The following KHDRBS3 variants were observed in gnomAD, a reference collection of about 807,000 sequenced individuals.
KHDRBS3 encodes KH RNA binding domain containing, signal transduction associated 3, also known as KH domain-containing, RNA-binding, signal transduction-associated protein 3.
Under a neutral mutation model 45.6 loss-of-function variants are expected in KHDRBS3, and 23 were observed. The observed-to-expected ratio is 0.50, with a 90% CI of 0.36 to 0.72. The LOEUF (loss-of-function observed/expected upper bound fraction) is 0.72. KHDRBS3 is among the 30% of genes least tolerant of loss of function. KHDRBS3 has a pLI of 0.00. For missense variants in KHDRBS3, 352 were observed against 424.8 expected (o/e 0.83, Z 1.51); for synonymous variants, 162 against 156.5 (o/e 1.04, Z -0.26).
intron 2 of KHDRBS3, among the ~76,000 whole-genome samples, chr8:135,534,217 G>GTTT (rs34069337): frequency 1.3e-5 from 2 of 149,836 alleles, no homozygotes; most frequent in African/African-American, 4.9e-5. Context: ...CTTCTCAGGT[G>GTTT]TTTTTTTTTT....
rs115908418 is a variant in KHDRBS3 at position 135,641,381 on chromosome 8, T to C, written c.891-3678T>C. Among the ~76,000 whole-genome samples the C allele has an allele frequency of 9.3e-3, 1,415 of 152,314 alleles. 18 individuals carry two copies. The highest frequency in any genetic ancestry group is 0.033 in the African/African-American group (1,363 of 41,564). ...ACTGTCTCAGTCAAGGAAATCCCTT[T>C]CAGTTTTATGGTGAGGTTACTCATT... is the stretch of plus-strand genomic sequence containing the variant. On this transcript the variant is annotated intron_variant, in intron 7 of 8. Transcript: ENST00000355849.
intron 1 of KHDRBS3, among the ~76,000 whole-genome samples, chr8:135,470,362 C>T (rs1821953461): frequency 6.6e-6 from 1 of 151,988 alleles, no homozygotes; most frequent in Non-Finnish European, 1.5e-5. Context: ...CTCTTAGGCT[C>T]ATTAGGAATG....
intron 5 of KHDRBS3, among the ~76,000 whole-genome samples, chr8:135,571,454 TC>T (rs1205488909): frequency 6.6e-6 from 1 of 152,170 alleles, no homozygotes; most frequent in Admixed American, 6.5e-5. Context: ...GAGTTGAAGT[TC>T]AGCAATGAGG....
intron 7 of KHDRBS3, among the ~76,000 whole-genome samples, chr8:135,633,951 G>A (rs1056500644): frequency 6.6e-6 from 1 of 152,188 alleles, no homozygotes; most frequent in African/African-American, 2.4e-5. Flanking sequence ...TTGCACAAAT[G>A]TGTAATGTCA....
At position 135,457,938 on chromosome 8, in the gene KHDRBS3, G is replaced by C; in HGVS notation, c.72G>C (p.Leu24=). 4 of 1,599,310 alleles carry C rather than the reference G, an allele frequency of 2.5e-6. No individual in the cohort carries two copies. Among genetic ancestry groups the C allele is most frequent in the South Asian group, 2.2e-5 (2 of 88,948 alleles). The part of the protein sequence containing the change: ...DSLDPSFTHA[L]RLVNQEIEKF... The stretch of plus-strand genomic sequence containing the variant: ...TGGACCCCTCCTTCACGCACGCCCT[G>C]CGCCTGGTGAACCAAGGTGAGGCGC... Residue 24 remains leucine, a synonymous_variant, in exon 1 of 9, where the codon CTG becomes CTC. Coordinates refer to ENST00000355849, the MANE Select transcript of KHDRBS3 (RefSeq NM_006558.3). This position sits in a 1 kb window ranked among gnomAD's most constrained non-coding sequence, Gnocchi z 4.4.
intron 1 of KHDRBS3, among the ~76,000 whole-genome samples, chr8:135,476,090 C>T (rs1470640214): frequency 1.3e-5 from 2 of 152,076 alleles, no homozygotes; most frequent in Non-Finnish European, 2.9e-5. Context: ...TCAAAATGAC[C>T]AGGTAGTTAA....
At chr8:135,557,117 G>C (rs1017548782) in intron 4 of KHDRBS3, among the ~76,000 whole-genome samples, 9 of 152,112 alleles carry the variant, frequency 5.9e-5, no homozygotes, top group African/African-American at 1.9e-4. Context: ...ATACCTGCTA[G>C]TTGAATTGAG....
intron 2 of KHDRBS3, among the ~76,000 whole-genome samples, chr8:135,534,015 C>G (rs1825609119): frequency 6.6e-6 from 1 of 152,152 alleles, no homozygotes; most frequent in Non-Finnish European, 1.5e-5. Flanking sequence ...GTTTTGCTTT[C>G]ACACCATCAT....
intron 5 of KHDRBS3, among the ~76,000 whole-genome samples, chr8:135,561,540 T>TC (rs1182779939): frequency 1.5e-4 from 4 of 27,544 alleles, no homozygotes; most frequent in African/African-American, 2.2e-4. Flanking sequence ...AAGTAATAAG[T>TC]TTTTTTTTTT....
At chr8:135,539,642 G>A (rs971467046) in intron 2 of KHDRBS3, 20 of 152,262 alleles carry the variant, frequency 1.3e-4, no homozygotes, top group African/African-American at 4.6e-4. Flanking sequence ...TAATTCATGC[G>A]ACCTGCACCC....
downstream of KHDRBS3, among the ~76,000 whole-genome samples, chr8:135,650,691 T>G (rs1831411285): frequency 6.6e-6 from 1 of 152,190 alleles, no homozygotes; most frequent in Admixed American, 6.5e-5. Flanking sequence ...GGCTCCTCCC[T>G]TAGATTAAAG....
At chr8:135,584,601 C>T (rs1204258275) in intron 6 of KHDRBS3, among the ~76,000 whole-genome samples, 1 of 152,232 alleles carries the variant, frequency 6.6e-6, no homozygotes, top group African/African-American at 2.4e-5. Context: ...ATAGTAAAAG[C>T]TTCAGTGGCT....
chr8:135,634,013 C>G (rs1185182083), intron 7 of KHDRBS3, among the ~76,000 whole-genome samples: 1 of 152,210 alleles, frequency 6.6e-6, no homozygotes, highest in Non-Finnish European at 1.5e-5. Flanking sequence ...CCTGAACATC[C>G]TCTGTGCTCT....
chr8:135,650,166 A>G (rs28589572), downstream of KHDRBS3, among the ~76,000 whole-genome samples: 12,161 of 152,268 alleles, frequency 0.08, 668 homozygotes, highest in African/African-American at 0.14. Context: ...GGCACTGGTC[A>G]TACAAAGACT....
intron 5 of KHDRBS3, among the ~76,000 whole-genome samples, chr8:135,576,583 G>GT (rs940168367): frequency 2.7e-3 from 406 of 148,278 alleles, no homozygotes; most frequent in Middle Eastern, 0.01. Context: ...TAATTTGAGG[G>GT]TTTTTTTTTT....
chr8:135,632,391 G>T (rs1449771244), intron 7 of KHDRBS3, among the ~76,000 whole-genome samples: 1 of 151,640 alleles, frequency 6.6e-6, no homozygotes, highest in Non-Finnish European at 1.5e-5. Flanking sequence ...GAGTCAAGGG[G>T]GCTCACTCCT....
At chr8:135,547,246 TA>T (rs1826352832) in intron 3 of KHDRBS3, among the ~76,000 whole-genome samples, 1 of 152,214 alleles carries the variant, frequency 6.6e-6, no homozygotes, top group African/African-American at 2.4e-5. Flanking sequence ...TATTCCCTTA[TA>T]TTTTTTCCTT....
At chr8:135,600,799 A>G (rs937239775) in intron 6 of KHDRBS3, among the ~76,000 whole-genome samples, 3 of 152,176 alleles carry the variant, frequency 2.0e-5, no homozygotes, top group Non-Finnish European at 4.4e-5. Context: ...CCCGGGTTCA[A>G]GCAGTCCTTC....
intron 7 of KHDRBS3, among the ~76,000 whole-genome samples, chr8:135,632,402 T>C (rs1830641904): frequency 6.6e-6 from 1 of 151,974 alleles, no homozygotes; most frequent in Non-Finnish European, 1.5e-5. Flanking sequence ...GCTCACTCCT[T>C]TAACCTCTTC....
Sources: allele counts gnomAD v4.1 joint callset (sites outside exome capture counted in the v4.1 genomes callset), GRCh38; gene constraint gnomAD v4.1.1; non-coding constraint Gnocchi (gnomAD v3.1); transcripts MANE v1.5; gene names NCBI Gene and HGNC (gene_info 2026-07-23, HGNC 2026-07-21).